Variants in PPM1L observed in about 807,000 individuals in gnomAD.
PPM1L encodes the protein protein phosphatase, Mg2+/Mn2+ dependent 1L.
PPM1L carries 13 observed loss-of-function variants against 31.4 expected under a neutral mutation model. The observed-to-expected ratio is 0.41, with a 90% CI of 0.27 to 0.66. The LOEUF (loss-of-function observed/expected upper bound fraction) is 0.66, where lower values mean the gene tolerates loss of function less well. Among genes scored for constraint, PPM1L ranks in the 30% least tolerant of loss-of-function variants. The probability of loss-of-function intolerance (pLI) is 0.29; values close to 1 mark genes in which losing one functional copy is unlikely to be tolerated. For synonymous variants in PPM1L, 184 were observed against 175.4 expected (o/e 1.05, Z -0.39); for missense variants, 326 against 453.7 (o/e 0.72, Z 2.56).
chr3:161,032,088 TA>T, intron 2 of PPM1L, among the ~76,000 whole-genome samples: 1 of 152,308 alleles, frequency 6.6e-6, no homozygotes, highest in African/African-American at 2.4e-5. Flanking sequence ...GAGACCATTT[TA>T]AAATTACTCC....
At chr3:160,801,166 C>CAT (rs1409536369) in intron 1 of PPM1L, among the ~76,000 whole-genome samples, 1 of 147,132 alleles carries the variant, frequency 6.8e-6, no homozygotes, top group Non-Finnish European at 1.5e-5. Flanking sequence ...CACACACACA[C>CAT]GGGAATTTTT....
chr3:160,864,041 T>C (rs1025408029), intron 1 of PPM1L, among the ~76,000 whole-genome samples: 3 of 152,196 alleles, frequency 2.0e-5, no homozygotes, highest in Non-Finnish European at 4.4e-5. Flanking sequence ...CAGAATCTAC[T>C]TCCATTACTC....
intron 1 of PPM1L, among the ~76,000 whole-genome samples, chr3:160,950,145 T>C (rs187022781): frequency 6.6e-6 from 1 of 152,246 alleles, no homozygotes; most frequent in Admixed American, 6.5e-5. Context: ...CTTTCATACT[T>C]TACACTCCAT....
Position 161,048,657 on chromosome 3 carries a change from A to C in PPM1L, c.575-16746A>C, listed in dbSNP as rs138253093. Among the ~76,000 whole-genome samples, 868 of 152,226 alleles carry C rather than the reference A, an allele frequency of 5.7e-3. 4 individuals are homozygous for C. Among genetic ancestry groups the C allele is most frequent in the African/African-American group, 0.02 (833 of 41,520 alleles). ...TATGTTTATTGCGGCATTATTCACAATAGCAAAGACTTGGAACCAACCCAA... is the reference window on the plus strand; with the variant it reads ...TATGTTTATTGCGGCATTATTCACACTAGCAAAGACTTGGAACCAACCCAA... On this transcript the variant is annotated intron_variant, in intron 2 of 3. Transcript: ENST00000498165.
intron 1 of PPM1L, among the ~76,000 whole-genome samples, chr3:160,759,018 G>A (rs1056866783): frequency 1.3e-5 from 2 of 152,124 alleles, no homozygotes; most frequent in Admixed American, 1.3e-4. Flanking sequence ...AATTGCTATT[G>A]GGAGTATAAC....
At chr3:160,814,588 C>T (rs1395071743) in intron 1 of PPM1L, among the ~76,000 whole-genome samples, 1 of 115,734 alleles carries the variant, frequency 8.6e-6, no homozygotes, top group African/African-American at 3.4e-5. Flanking sequence ...TATATACACA[C>T]ACATATGTAT....
intron 1 of PPM1L, among the ~76,000 whole-genome samples, chr3:160,884,005 G>T (rs1712822635): frequency 1.3e-5 from 2 of 151,912 alleles, no homozygotes; most frequent in African/African-American, 4.8e-5. Context: ...GGGAGTTTGA[G>T]ACTGCCACGA....
chr3:160,902,821 G>T (rs551695979), intron 1 of PPM1L, among the ~76,000 whole-genome samples: 1 of 151,816 alleles, frequency 6.6e-6, no homozygotes, highest in Non-Finnish European at 1.5e-5. Flanking sequence ...CCTTTCTACC[G>T]TGTCCCTTGA....
At chr3:160,781,613 T>C (rs1486866478) in intron 1 of PPM1L, among the ~76,000 whole-genome samples, 1 of 152,178 alleles carries the variant, frequency 6.6e-6, no homozygotes. Context: ...CAATGCTGGG[T>C]GCACTCATTT....
rs1559897054 is a variant in PPM1L at position 160,944,833 on chromosome 3, T to TATATGTTATATATAAC, written c.400-16899_400-16898insGTTATATATAACATAT. Among the ~76,000 whole-genome samples, 62 of 13,284 alleles carry TATATGTTATATATAAC rather than the reference T, an allele frequency of 4.7e-3. 2 individuals are homozygous for TATATGTTATATATAAC. The highest frequency in any genetic ancestry group is 0.01 in the African/African-American group (60 of 5,824). 8.7% of individuals were successfully genotyped at this position (13,284 alleles called of 152,430 possible). ...TAACATATATATGTTATATATAACA[T>TATATGTTATATATAAC]ATATATGTTATATATAACATATATT... is the stretch of plus-strand genomic sequence containing the variant. On this transcript the variant is annotated intron_variant, in intron 1 of 3. Transcript: ENST00000498165.
chr3:160,846,517 T>G (rs537232736), intron 1 of PPM1L, among the ~76,000 whole-genome samples: 2 of 152,276 alleles, frequency 1.3e-5, no homozygotes, highest in South Asian at 4.1e-4. Context: ...ATCCTCACCT[T>G]GAAAGATTGT....
At chr3:160,859,383 G>A (rs1711820141) in intron 1 of PPM1L, among the ~76,000 whole-genome samples, 1 of 152,214 alleles carries the variant, frequency 6.6e-6, no homozygotes, top group East Asian at 1.9e-4. Flanking sequence ...ATGATTCCTT[G>A]CCTTCTTTTA....
chr3:161,064,208 G>A (rs1028486878), intron 2 of PPM1L, among the ~76,000 whole-genome samples: 1 of 151,300 alleles, frequency 6.6e-6, no homozygotes, highest in African/African-American at 2.4e-5. Flanking sequence ...AAAGAATTCA[G>A]TGTTTTTTTT....
intron 1 of PPM1L, among the ~76,000 whole-genome samples, chr3:160,874,883 T>C (rs944946693): frequency 1.3e-5 from 2 of 152,174 alleles, no homozygotes; most frequent in African/African-American, 2.4e-5. Context: ...GTTCTAGCCC[T>C]CAGCTGTTTG....
intron 2 of PPM1L, among the ~76,000 whole-genome samples, chr3:161,048,193 CAA>C (rs1252777550): frequency 6.6e-6 from 1 of 152,206 alleles, no homozygotes; most frequent in Non-Finnish European, 1.5e-5. Flanking sequence ...ACTTATCTGA[CAA>C]AGGGCTAATA....
chr3:160,881,673 C>T (rs1389953394), intron 1 of PPM1L, among the ~76,000 whole-genome samples: 2 of 152,122 alleles, frequency 1.3e-5, no homozygotes, highest in Non-Finnish European at 2.9e-5. Flanking sequence ...TCAGAATTCT[C>T]GATAGGGTTT....
At chr3:160,841,107 A>G (rs1713866062) in intron 1 of PPM1L, among the ~76,000 whole-genome samples, 1 of 152,150 alleles carries the variant, frequency 6.6e-6, no homozygotes, top group South Asian at 2.1e-4. Context: ...GGAATTTAGT[A>G]ATCTGGGGTT....
intron 1 of PPM1L, among the ~76,000 whole-genome samples, chr3:160,791,593 G>A (rs1249823594): frequency 2.0e-5 from 3 of 152,160 alleles, no homozygotes; most frequent in Non-Finnish European, 4.4e-5. Context: ...TTAGAACAGT[G>A]ATCAAGGCAG....
At chr3:161,063,681 AG>A (rs1160418642) in intron 2 of PPM1L, among the ~76,000 whole-genome samples, 3 of 152,212 alleles carry the variant, frequency 2.0e-5, no homozygotes, top group Non-Finnish European at 2.9e-5. Flanking sequence ...ATATACCCAA[AG>A]GATTATAAAC....
Sources: allele counts gnomAD v4.1 joint callset (sites outside exome capture counted in the v4.1 genomes callset), GRCh38; gene constraint gnomAD v4.1.1; transcripts MANE v1.5; gene names NCBI Gene and HGNC (gene_info 2026-07-23, HGNC 2026-07-21).